SYT1: variants seen among roughly 807,000 people sequenced by gnomAD.
The protein encoded by SYT1 is synaptotagmin 1.
A neutral mutation model predicts 44.8 loss-of-function variants in SYT1; 8 were observed. The ratio of observed to expected loss-of-function variants is 0.18; its 90% CI spans 0.10 to 0.32. The LOEUF (loss-of-function observed/expected upper bound fraction) is 0.32. SYT1 is among the 10% of genes least tolerant of loss of function. The probability of loss-of-function intolerance (pLI) is 1.00; values close to 1 mark genes in which losing one functional copy is unlikely to be tolerated. For missense variants in SYT1, 286 were observed against 509.3 expected, an observed-to-expected ratio of 0.56 and a Z score of 4.22; for synonymous variants, 154 against 188.8, an observed-to-expected ratio of 0.82 and a Z score of 1.51.
intron 9 of SYT1, among the ~76,000 whole-genome samples, chr12:79,430,508 G>C (rs952194882): frequency 1.3e-5 from 2 of 152,146 alleles, no homozygotes; most frequent in Admixed American, 6.5e-5. Context: ...TAGGAAAGCC[G>C]GGCATGGTGG....
chr12:79,238,658 G>T lies in SYT1; in HGVS notation c.166+20973G>T, dbSNP rs369471459. On this transcript the variant is annotated intron_variant, in intron 4 of 10. Coordinates refer to ENST00000261205, the MANE Select transcript of SYT1 (RefSeq NM_005639.3). ...GAAAAGAAGGAGATGAAAATAAATA[G>T]GTTTTCATTACCAAAGGCAGAGCTA... Among the ~76,000 whole-genome samples, 32 of 152,286 alleles carry T rather than the reference G, an allele frequency of 2.1e-4. No individual in the cohort carries two copies. In the South Asian group the frequency reaches 6.6e-3, roughly 32 times the overall value.
chr12:79,269,287 T>C (rs543193973), intron 4 of SYT1, among the ~76,000 whole-genome samples: 38 of 152,242 alleles, frequency 2.5e-4, no homozygotes, highest in African/African-American at 8.4e-4. Flanking sequence ...GCTTTATATA[T>C]ATATCTTGCC....
At chr12:79,119,901 T>G (rs1879501111) in intron 3 of SYT1, among the ~76,000 whole-genome samples, 1 of 151,920 alleles carries the variant, frequency 6.6e-6, no homozygotes, top group South Asian at 2.1e-4. Context: ...ATGGGAAAAA[T>G]ATCATCTCCC....
chr12:79,433,570 T>G (rs1869919391), intron 9 of SYT1, among the ~76,000 whole-genome samples: 1 of 152,178 alleles, frequency 6.6e-6, no homozygotes, highest in African/African-American at 2.4e-5. Flanking sequence ...AAAAATCAAG[T>G]CAAATTTACC....
intron 1 of SYT1, among the ~76,000 whole-genome samples, chr12:78,964,320 T>C (rs576663371): frequency 5.9e-5 from 9 of 152,336 alleles, no homozygotes; most frequent in African/African-American, 2.2e-4. Context: ...AAAACCCAAC[T>C]TAAAGCTTCC....
chr12:79,280,729 G>A (rs995848918), intron 4 of SYT1, among the ~76,000 whole-genome samples: 2 of 151,704 alleles, frequency 1.3e-5, no homozygotes, highest in Non-Finnish European at 2.9e-5. Context: ...CTATAGAATG[G>A]GAGAAAATAT....
intron 4 of SYT1, among the ~76,000 whole-genome samples, chr12:79,242,741 T>A (rs980847165): frequency 2.6e-5 from 4 of 152,196 alleles, no homozygotes; most frequent in Non-Finnish European, 5.9e-5. Flanking sequence ...TACTACATAC[T>A]GCCTCCTCCT....
chr12:78,931,179 A>AAAAGAAAGAAAGAAAGAAAGAAAG (rs1165668920), intron 1 of SYT1, among the ~76,000 whole-genome samples: 4 of 59,862 alleles, frequency 6.7e-5, no homozygotes, highest in African/African-American at 1.5e-4. Context: ...GAAAGAAAGA[A>AAAAGAAAGAAAGAAAGAAAGAAAG]AAAGAAAGAA....
intron 2 of SYT1, among the ~76,000 whole-genome samples, chr12:79,044,956 C>T (rs939987611): frequency 2.0e-5 from 3 of 152,190 alleles, no homozygotes; most frequent in Non-Finnish European, 2.9e-5. Flanking sequence ...CAGGGACACA[C>T]TTGAGGAGGC....
intron 9 of SYT1, among the ~76,000 whole-genome samples, chr12:79,400,867 A>AAAGCAG (rs1885042909): frequency 6.6e-6 from 1 of 152,210 alleles, no homozygotes; most frequent in Admixed American, 6.5e-5. Flanking sequence ...ATCTAATCCC[A>AAAGCAG]AAGCAGAATA....
chr12:79,301,578 C>G (rs1353124254), intron 8 of SYT1, among the ~76,000 whole-genome samples: 1 of 152,094 alleles, frequency 6.6e-6, no homozygotes, highest in Non-Finnish European at 1.5e-5. Context: ...TAGAGTCTGG[C>G]ATATGGTAAA....
At chr12:79,087,359 A>G (rs907769482) in intron 3 of SYT1, among the ~76,000 whole-genome samples, 4 of 152,170 alleles carry the variant, frequency 2.6e-5, no homozygotes, top group Non-Finnish European at 5.9e-5. Flanking sequence ...TTTGAATTCT[A>G]TCTCAGGAAA....
At chr12:79,384,786 G>GA (rs529606072) in intron 9 of SYT1, among the ~76,000 whole-genome samples, 72 of 152,190 alleles carry the variant, frequency 4.7e-4, no homozygotes, top group Middle Eastern at 6.8e-3. Flanking sequence ...TGGCCGATGT[G>GA]AAAAAACGTC....
chr12:78,957,907 A>G (rs1879294114), intron 1 of SYT1, among the ~76,000 whole-genome samples: 3 of 152,178 alleles, frequency 2.0e-5, no homozygotes, highest in African/African-American at 7.2e-5. Flanking sequence ...AGTTGACCCA[A>G]TCTGTAATTT....
chr12:79,219,800 T>C (rs767858338), intron 4 of SYT1, among the ~76,000 whole-genome samples: 21 of 152,142 alleles, frequency 1.4e-4, no homozygotes, highest in Non-Finnish European at 2.9e-4. Flanking sequence ...GGTAGTGTGT[T>C]ACCTCCAGCA....
intron 3 of SYT1, among the ~76,000 whole-genome samples, chr12:79,056,125 C>T (rs560856493): frequency 5.9e-5 from 9 of 152,148 alleles, no homozygotes; most frequent in African/African-American, 2.2e-4. Flanking sequence ...TAAGTACATG[C>T]TATGCTGTTC....
At chr12:79,439,409 C>T (rs1430281786) in intron 9 of SYT1, among the ~76,000 whole-genome samples, 1 of 152,114 alleles carries the variant, frequency 6.6e-6, no homozygotes, top group Admixed American at 6.5e-5. Context: ...TACATGATGA[C>T]ATTCTTCAAA....
At chr12:79,170,007 G>A (rs534243661) in intron 3 of SYT1, among the ~76,000 whole-genome samples, 39 of 152,122 alleles carry the variant, frequency 2.6e-4, no homozygotes, top group African/African-American at 8.7e-4. Flanking sequence ...CTCCATCCAT[G>A]TCTCTGCAAA....
At chr12:79,317,053 T>A (rs1881122631) in intron 8 of SYT1, among the ~76,000 whole-genome samples, 1 of 152,232 alleles carries the variant, frequency 6.6e-6, no homozygotes, top group African/African-American at 2.4e-5. Context: ...CAATGCCAAA[T>A]GAATTCCTAA....
Sources: gnomAD v4.1 joint callset for allele counts (sites outside exome capture counted in the v4.1 genomes callset) on GRCh38, gnomAD v4.1.1 for gene constraint, MANE v1.5 for transcripts, NCBI Gene and HGNC (gene_info 2026-07-23, HGNC 2026-07-21) for gene names.